The following DISC1 variants were observed in gnomAD, a reference collection of about 807,000 sequenced individuals.
DISC1 encodes the protein disrupted in schizophrenia 1 protein.
Under a neutral mutation model 84.5 loss-of-function variants are expected in DISC1, and 57 were observed. The observed-to-expected ratio is 0.67, with a 90% CI of 0.55 to 0.84. The LOEUF is 0.84. Among genes scored for constraint, DISC1 ranks in the 40% least tolerant of loss-of-function variants. DISC1 has a pLI of 0.00. For missense variants in DISC1, 1,000 were observed against 1,057.8 expected (o/e 0.95, Z 0.76); for synonymous variants, 411 against 415.2 (o/e 0.99, Z 0.12).
At chr1:231,656,573 T>C (rs2061100255) in intron 1 of DISC1, among the ~76,000 whole-genome samples, 5 of 152,186 alleles carry the variant, frequency 3.3e-5, no homozygotes. Flanking sequence ...TCTGTGCTCT[T>C]TTTTTGGTTC....
chr1:231,723,491 A>T (rs1336485544), intron 3 of DISC1: 1 of 985,388 alleles, frequency 1.0e-6, no homozygotes. Flanking sequence ...AGTGAACGTT[A>T]TTCTTTCTGT....
chr1:231,802,840 CT>C (rs1040564709), intron 8 of DISC1, among the ~76,000 whole-genome samples: 2 of 151,042 alleles, frequency 1.3e-5, no homozygotes, highest in Non-Finnish European at 3.0e-5. Context: ...CTACAAGGAT[CT>C]TTTTTTTTCT....
chr1:231,988,354 G>A (rs574572352), intron 10 of DISC1, among the ~76,000 whole-genome samples: 14 of 152,174 alleles, frequency 9.2e-5, no homozygotes, highest in Non-Finnish European at 1.0e-4. Flanking sequence ...TCATAGGCAC[G>A]TTAATTATTT....
At chr1:231,977,408 G>A (rs1476566585) in intron 10 of DISC1, among the ~76,000 whole-genome samples, 4 of 152,104 alleles carry the variant, frequency 2.6e-5, no homozygotes, top group East Asian at 1.9e-4. Context: ...TCTCCTAGTG[G>A]CCACCTGCAC....
chr1:231,829,784 A>T (rs1242216869), intron 9 of DISC1, among the ~76,000 whole-genome samples: 1 of 150,554 alleles, frequency 6.6e-6, no homozygotes, highest in African/African-American at 2.4e-5. Flanking sequence ...GCGAAGGGAG[A>T]TAGGGGTGGG....
intron 11 of DISC1, among the ~76,000 whole-genome samples, chr1:232,010,899 G>T (rs1256233584): frequency 1.3e-5 from 2 of 152,136 alleles, no homozygotes; most frequent in Non-Finnish European, 2.9e-5. Context: ...AAAGATGAGG[G>T]TGTTATAATC....
intron 9 of DISC1, chr1:231,945,044 A>T (rs1656877939): frequency 6.6e-6 from 1 of 152,174 alleles, no homozygotes; most frequent in African/African-American, 2.4e-5. Context: ...CGAGACAGAA[A>T]ATTAACAAGG....
chr1:231,742,077 C>T (rs540254609), intron 3 of DISC1, among the ~76,000 whole-genome samples: 43 of 152,320 alleles, frequency 2.8e-4, no homozygotes, highest in African/African-American at 1.0e-3. Context: ...AAGTCTGCTA[C>T]AATGGCCTAT....
At chr1:232,014,960 C>G (rs778492621) in intron 11 of DISC1, among the ~76,000 whole-genome samples, 4 of 152,192 alleles carry the variant, frequency 2.6e-5, no homozygotes. Flanking sequence ...ATATAACTGG[C>G]CTACAGAAGT....
chr1:231,942,742 G>C (rs1316494398), intron 9 of DISC1, among the ~76,000 whole-genome samples: 1 of 152,170 alleles, frequency 6.6e-6, no homozygotes, highest in Non-Finnish European at 1.5e-5. Flanking sequence ...TTAGCTTCAG[G>C]AAACTGTGTT....
At position 231,975,194 on chromosome 1, in the gene DISC1, A is replaced by G. The variant is rs145157643; in HGVS notation, c.2042+16306A>G. Among the ~76,000 whole-genome samples, 8 of 152,332 alleles carry G rather than the reference A, an allele frequency of 5.3e-5. 1 individual carries two copies. Among genetic ancestry groups the G allele is most frequent in the African/African-American group, 1.4e-4 (6 of 41,568 alleles). On this transcript the variant is annotated intron_variant, in intron 10 of 12. Coordinates refer to ENST00000439617, the MANE Select transcript of DISC1 (RefSeq NM_018662.3). ...ACATTTTGCAAAAGAAGACATACACATGGACAACAGGTATATGAAAAAGGG... is the reference window on the plus strand; with the variant it reads ...ACATTTTGCAAAAGAAGACATACACGTGGACAACAGGTATATGAAAAAGGG...
intron 9 of DISC1, among the ~76,000 whole-genome samples, chr1:231,825,257 T>G (rs930806107): frequency 3.3e-5 from 5 of 152,174 alleles, no homozygotes; most frequent in African/African-American, 1.2e-4. Flanking sequence ...ACAATGATGT[T>G]TTCAATTATA....
At chr1:231,865,557 C>T (rs75135561) in intron 9 of DISC1, among the ~76,000 whole-genome samples, 1,548 of 152,292 alleles carry the variant, frequency 0.01, 20 homozygotes, top group African/African-American at 0.035. Flanking sequence ...TGTAGACTGA[C>T]GTCTATTTCC....
At chr1:232,022,610 C>G (rs1669066878) in intron 11 of DISC1, among the ~76,000 whole-genome samples, 1 of 152,004 alleles carries the variant, frequency 6.6e-6, no homozygotes, top group South Asian at 2.1e-4. Context: ...CCAGCCAATA[C>G]CCATGGTTCT....
At chr1:231,759,595 A>G (rs2075469895) in intron 4 of DISC1, among the ~76,000 whole-genome samples, 1 of 150,826 alleles carries the variant, frequency 6.6e-6, no homozygotes, top group South Asian at 2.1e-4. Flanking sequence ...AGTCCTATCT[A>G]CTTGGAAAGC....
intron 6 of DISC1, among the ~76,000 whole-genome samples, chr1:231,786,089 A>G (rs981092095): frequency 3.9e-5 from 6 of 152,130 alleles, no homozygotes; most frequent in Non-Finnish European, 7.4e-5. Flanking sequence ...GAAAAACAAC[A>G]TGTGTCTCCT....
At chr1:231,754,824 C>T (rs1052222174) in intron 4 of DISC1, among the ~76,000 whole-genome samples, 1 of 152,072 alleles carries the variant, frequency 6.6e-6, no homozygotes, top group Non-Finnish European at 1.5e-5. Context: ...AAGTATAGGC[C>T]TTTATTAAAC....
chr1:231,879,126 A>G (rs1341233805), intron 9 of DISC1, among the ~76,000 whole-genome samples: 1 of 151,278 alleles, frequency 6.6e-6, no homozygotes, highest in Non-Finnish European at 1.5e-5. Flanking sequence ...TATTTATATG[A>G]TACTTACTTG....
intron 9 of DISC1, among the ~76,000 whole-genome samples, chr1:231,894,973 A>G (rs1249225621): frequency 1.3e-5 from 2 of 152,022 alleles, no homozygotes; most frequent in African/African-American, 4.8e-5. Flanking sequence ...TTGTCTTCAA[A>G]GTTGTCATGA....
Sources: gnomAD v4.1 joint callset for allele counts (sites outside exome capture counted in the v4.1 genomes callset) on GRCh38, gnomAD v4.1.1 for gene constraint, MANE v1.5 for transcripts, NCBI Gene and HGNC (gene_info 2026-07-23, HGNC 2026-07-21) for gene names.